Variants in TGFB2 observed in about 807,000 individuals in gnomAD.
The protein encoded by TGFB2 is transforming growth factor beta-2 proprotein.
A neutral mutation model predicts 42.7 loss-of-function variants in TGFB2; 13 were observed. That is an observed-to-expected ratio of 0.30 (90% confidence interval 0.20 to 0.48). The LOEUF is 0.48. Among genes scored for constraint, TGFB2 ranks in the 20% least tolerant of loss-of-function variants. The probability of loss-of-function intolerance (pLI) is 0.99; values close to 1 mark genes in which losing one functional copy is unlikely to be tolerated. For missense variants in TGFB2, 390 were observed against 517.5 expected (o/e 0.75, Z 2.39); for synonymous variants, 193 against 193.6 (o/e 1.00, Z 0.03).
At chr1:218,347,880 C>T (rs1656741775) in intron 1 of TGFB2, among the ~76,000 whole-genome samples, 1 of 151,742 alleles carries the variant, frequency 6.6e-6, no homozygotes. Context: ...TTTTCGTAGG[C>T]TTCCTGCAGT....
At chr1:218,367,395 T>C (rs1657421398) in intron 1 of TGFB2, among the ~76,000 whole-genome samples, 1 of 152,170 alleles carries the variant, frequency 6.6e-6, no homozygotes, top group South Asian at 2.1e-4. Context: ...ACCAGAGGCA[T>C]TAGAGCAGGC....
At chr1:218,429,943 G>A (rs371012194) in intron 2 of TGFB2, among the ~76,000 whole-genome samples, 96 of 152,304 alleles carry the variant, frequency 6.3e-4, no homozygotes, top group African/African-American at 2.3e-3. Flanking sequence ...ACTGGTAAGA[G>A]TGGAAGTGCT....
intron 2 of TGFB2, among the ~76,000 whole-genome samples, chr1:218,425,111 G>A (rs575024509): frequency 1.3e-5 from 2 of 152,328 alleles, no homozygotes; most frequent in East Asian, 3.9e-4. Context: ...TTCTCCACTG[G>A]TATTAAGAGG....
chr1:218,387,796 G>C (rs1374021931), intron 1 of TGFB2, among the ~76,000 whole-genome samples: 1 of 152,204 alleles, frequency 6.6e-6, no homozygotes, highest in Non-Finnish European at 1.5e-5. Flanking sequence ...AGAAAAGGTG[G>C]TCTGATTGAA....
chr1:218,435,610 T>A (rs1659945007), intron 4 of TGFB2, among the ~76,000 whole-genome samples: 1 of 152,118 alleles, frequency 6.6e-6, no homozygotes, highest in Non-Finnish European at 1.5e-5. Context: ...TGCCATGTGT[T>A]CAGTTGTTGA....
At chr1:218,387,385 A>G (rs1008863416) in intron 1 of TGFB2, among the ~76,000 whole-genome samples, 6 of 152,264 alleles carry the variant, frequency 3.9e-5, no homozygotes, top group African/African-American at 1.2e-4. Flanking sequence ...GTTAGAGGTT[A>G]AGAGAGAGAA....
At chr1:218,433,010 T>C (rs1322529366) in intron 2 of TGFB2, among the ~76,000 whole-genome samples, 7 of 152,200 alleles carry the variant, frequency 4.6e-5, no homozygotes, top group African/African-American at 1.7e-4. Flanking sequence ...AGGAACATAC[T>C]ACAGTTGCGC....
chr1:218,405,053 G>T, intron 1 of TGFB2, 116 bp from the exon 2 acceptor site: 1 of 1,189,968 alleles, frequency 8.4e-7, no homozygotes, highest in Non-Finnish European at 1.2e-6. Context: ...ACTGGCCGTT[G>T]GAAACTATTC....
intron 1 of TGFB2, among the ~76,000 whole-genome samples, chr1:218,380,140 T>C (rs1299841193): frequency 3.3e-5 from 5 of 152,206 alleles, no homozygotes; most frequent in African/African-American, 1.2e-4. Context: ...GACATTTACC[T>C]ATCAAAGTCG....
chr1:218,377,373 T>C (rs567333893), intron 1 of TGFB2, among the ~76,000 whole-genome samples: 1 of 152,372 alleles, frequency 6.6e-6, no homozygotes, highest in East Asian at 1.9e-4. Flanking sequence ...GTAGTATAGT[T>C]CATGACATTC....
chr1:218,397,625 C>A (rs1255901347), intron 1 of TGFB2, among the ~76,000 whole-genome samples: 3 of 149,744 alleles, frequency 2.0e-5, no homozygotes, highest in East Asian at 3.9e-4. Context: ...TTGTAGATTT[C>A]TTTTCTTCTG....
chr1:218,429,346 T>A (rs1408785345), intron 2 of TGFB2, among the ~76,000 whole-genome samples: 1 of 152,220 alleles, frequency 6.6e-6, no homozygotes, highest in Non-Finnish European at 1.5e-5. Context: ...AATCACAATA[T>A]TTGTCCTTCT....
At position 218,361,648 on chromosome 1, in the gene TGFB2, T is replaced by C. The variant is rs10482730; in HGVS notation, c.346+14601T>C. 9.4e-3 allele frequency among the ~76,000 whole-genome samples: 1,428 copies of C among 152,340 alleles called. 23 individuals carry two copies. Among genetic ancestry groups the C allele is most frequent in the African/African-American group, 0.033 (1,353 of 41,574 alleles). On this transcript the variant is annotated intron_variant, in intron 1 of 6. Transcript: ENST00000366930. ...TCTGCATATTCTACCTTTCTCTGGTTGTATTCTTTGAGATTTTTATTTAAG... is the reference window on the plus strand; with the variant it reads ...TCTGCATATTCTACCTTTCTCTGGTCGTATTCTTTGAGATTTTTATTTAAG...
intron 1 of TGFB2, among the ~76,000 whole-genome samples, chr1:218,391,694 C>T (rs1465017855): frequency 2.6e-5 from 4 of 152,038 alleles, no homozygotes; most frequent in South Asian, 2.1e-4. Context: ...AGGGTGTAAG[C>T]GTAAGATGAT....
intron 1 of TGFB2, among the ~76,000 whole-genome samples, chr1:218,362,098 A>C (rs1171959840): frequency 6.6e-6 from 1 of 152,248 alleles, no homozygotes; most frequent in African/African-American, 2.4e-5. Flanking sequence ...GGTAAGTTCC[A>C]GAGTATGGAA....
Position 218,362,770 on chromosome 1 carries a change from A to T in TGFB2, c.346+15723A>T, listed in dbSNP as rs934028373. 2.6e-5 allele frequency among the ~76,000 whole-genome samples: 4 copies of T among 152,246 alleles called. 1 individual carries two copies. The highest frequency in any genetic ancestry group is 1.3e-4 in the Admixed American group (2 of 15,290). On this transcript the variant is annotated intron_variant, in intron 1 of 6. Transcript: ENST00000366930. The stretch of plus-strand genomic sequence containing the variant: ...CCAGATGTAATAACTATTGTGGAAG[A>T]TGCGTTTAGTCCATTTCAGAGAGCT...
At chr1:218,423,823 G>A (rs12075542) in intron 2 of TGFB2, among the ~76,000 whole-genome samples, 1 of 152,212 alleles carries the variant, frequency 6.6e-6, no homozygotes, top group African/African-American at 2.4e-5. Flanking sequence ...TGTGACTGAT[G>A]CTCTCCCTAC....
chr1:218,395,643 G>T (rs868673731), intron 1 of TGFB2, among the ~76,000 whole-genome samples: 1 of 142,134 alleles, frequency 7.0e-6, no homozygotes, highest in Non-Finnish European at 1.5e-5. Context: ...ATGGAGTCTC[G>T]CTCTGTCGCC....
At chr1:218,360,451 T>G (rs1342965888) in intron 1 of TGFB2, among the ~76,000 whole-genome samples, 1 of 152,158 alleles carries the variant, frequency 6.6e-6, no homozygotes, top group Non-Finnish European at 1.5e-5. Flanking sequence ...TGCGTTCTTC[T>G]AAAAATATCA....
Sources: gnomAD v4.1 joint callset for allele counts (sites outside exome capture counted in the v4.1 genomes callset) on GRCh38, gnomAD v4.1.1 for gene constraint, MANE v1.5 for transcripts, NCBI Gene and HGNC (gene_info 2026-07-23, HGNC 2026-07-21) for gene names.